Variants in LINGO2 observed in about 807,000 individuals in gnomAD.
LINGO2 encodes leucine rich repeat and Ig domain containing 2.
A neutral mutation model predicts 30.6 loss-of-function variants in LINGO2; 14 were observed. The observed-to-expected ratio is 0.46, with a 90% CI of 0.30 to 0.72. The LOEUF (loss-of-function observed/expected upper bound fraction) is 0.72. LINGO2 is among the 30% of genes least tolerant of loss of function. The probability of loss-of-function intolerance (pLI) is 0.07; values close to 1 mark genes in which losing one functional copy is unlikely to be tolerated. For missense variants in LINGO2, 729 were observed against 751.7 expected (o/e 0.97, Z 0.35); for synonymous variants, 317 against 288.5 (o/e 1.10, Z -1.00).
intron 3 of LINGO2, among the ~76,000 whole-genome samples, chr9:28,361,259 A>T (rs563976132): frequency 6.6e-6 from 1 of 152,328 alleles, no homozygotes; most frequent in East Asian, 1.9e-4. Flanking sequence ...TGTCATTATA[A>T]TTAATATTTA....
chr9:28,071,755 T>A (rs972111465), intron 4 of LINGO2, among the ~76,000 whole-genome samples: 1 of 152,086 alleles, frequency 6.6e-6, no homozygotes, highest in Non-Finnish European at 1.5e-5. Flanking sequence ...GAGCTGTCTG[T>A]CACAGCTCTT....
the LINGO2 span, among the ~76,000 whole-genome samples, chr9:28,722,526 G>A: frequency 5.3e-5 from 8 of 152,038 alleles, no homozygotes; most frequent in Non-Finnish European, 1.0e-4. Context: ...TTTTTACTAA[G>A]TGACTTAAGA....
intron 3 of LINGO2, among the ~76,000 whole-genome samples, chr9:28,342,959 T>C (rs908577903): frequency 1.3e-5 from 2 of 152,128 alleles, no homozygotes; most frequent in African/African-American, 4.8e-5. Context: ...CATGAGACAT[T>C]CACTGGCAGC....
chr9:28,567,941 C>T (rs184097481), intron 1 of LINGO2, among the ~76,000 whole-genome samples: 5 of 152,024 alleles, frequency 3.3e-5, no homozygotes, highest in African/African-American at 1.2e-4. Context: ...ACAGTCAGTT[C>T]GAACAAGCAA....
chr9:28,381,312 G>C (rs570515154), intron 2 of LINGO2, among the ~76,000 whole-genome samples: 1 of 152,080 alleles, frequency 6.6e-6, no homozygotes, highest in Non-Finnish European at 1.5e-5. Flanking sequence ...GTGAGTCTGT[G>C]GGTATTTGGG....
the LINGO2 span, among the ~76,000 whole-genome samples, chr9:29,107,498 G>C: frequency 6.6e-6 from 1 of 152,042 alleles, no homozygotes; most frequent in East Asian, 1.9e-4. Flanking sequence ...GAATATAAAA[G>C]GCTATCAAAG....
At position 28,380,390 on chromosome 9, in the gene LINGO2, G is replaced by GTTTTT. The variant is rs35512653; in HGVS notation, c.-278-7527_-278-7523dup. 8.7e-3 allele frequency among the ~76,000 whole-genome samples: 1,256 copies of GTTTTT among 144,776 alleles called. 13 individuals are homozygous for GTTTTT. The highest frequency in any genetic ancestry group is 0.014 in the African/African-American group (546 of 39,628). 95.0% of individuals were successfully genotyped at this position (144,776 alleles called of 152,430 possible). On this transcript the variant is annotated intron_variant, in intron 2 of 5. Transcript: ENST00000379992. ...AATCATTGACTCAATGACTATAAAG[G>GTTTTT]TTTTTTTTTTTTTCCAATGGTAAGA...
chr9:28,935,410 C>G, the LINGO2 span, among the ~76,000 whole-genome samples: 5 of 151,970 alleles, frequency 3.3e-5, no homozygotes, highest in Admixed American at 2.0e-4. Context: ...TGTGGCTGTC[C>G]TATAGTTAAG....
chr9:28,445,595 T>C (rs542714897), intron 2 of LINGO2, among the ~76,000 whole-genome samples: 1 of 152,338 alleles, frequency 6.6e-6, no homozygotes, highest in East Asian at 1.9e-4. Context: ...TTGCTCCCTT[T>C]GTTCCATCAG....
chr9:28,051,762 A>C (rs922178766), intron 4 of LINGO2, among the ~76,000 whole-genome samples: 3 of 152,050 alleles, frequency 2.0e-5, no homozygotes, highest in African/African-American at 7.2e-5. Context: ...GCATCACTGG[A>C]ATTTCAGGAA....
chr9:29,061,205 A>G, the LINGO2 span, among the ~76,000 whole-genome samples: 1 of 152,056 alleles, frequency 6.6e-6, no homozygotes, highest in Non-Finnish European at 1.5e-5. Flanking sequence ...AGCAGCATGC[A>G]TAAATCTCAA....
the LINGO2 span, among the ~76,000 whole-genome samples, chr9:28,784,981 C>T: frequency 1.6e-4 from 25 of 151,644 alleles, no homozygotes; most frequent in African/African-American, 5.8e-4. Flanking sequence ...ATATATGAGC[C>T]TACTGTTGAT....
chr9:28,633,453 C>T (rs1172249953), intron 1 of LINGO2, among the ~76,000 whole-genome samples: 1 of 151,976 alleles, frequency 6.6e-6, no homozygotes, highest in African/African-American at 2.4e-5. Flanking sequence ...ATAATAAATT[C>T]ACACATTATA....
At chr9:28,876,645 T>G in the LINGO2 span, among the ~76,000 whole-genome samples, 1 of 152,184 alleles carries the variant, frequency 6.6e-6, no homozygotes, top group East Asian at 1.9e-4. Context: ...TAATCCAGTC[T>G]ATCGTTGCTG....
chr9:28,867,909 A>G, the LINGO2 span, among the ~76,000 whole-genome samples: 1 of 152,150 alleles, frequency 6.6e-6, no homozygotes, highest in Non-Finnish European at 1.5e-5. Context: ...TCAAATATAC[A>G]TTTGCCCTAC....
At chr9:29,085,307 A>T in the LINGO2 span, among the ~76,000 whole-genome samples, 12 of 121,492 alleles carry the variant, frequency 9.9e-5, no homozygotes, top group Admixed American at 6.7e-4. Context: ...AAAAAAAAAA[A>T]AAAAGAATAA....
At chr9:29,196,959 T>C in the LINGO2 span, among the ~76,000 whole-genome samples, 1 of 152,040 alleles carries the variant, frequency 6.6e-6, no homozygotes, top group African/African-American at 2.4e-5. Context: ...TGAGGTATTC[T>C]CAGTTCCAAC....
the LINGO2 span, among the ~76,000 whole-genome samples, chr9:29,052,250 A>C: frequency 4.1e-4 from 63 of 152,190 alleles, no homozygotes; most frequent in Admixed American, 3.6e-3. Flanking sequence ...CTGACCTTTC[A>C]CTCATCCATC....
the LINGO2 span, among the ~76,000 whole-genome samples, chr9:29,207,824 CA>C: frequency 6.6e-6 from 1 of 151,916 alleles, no homozygotes; most frequent in East Asian, 1.9e-4. Context: ...AGAAAATTAA[CA>C]AAATGTATTC....
Sources: gnomAD v4.1 joint callset for allele counts (sites outside exome capture counted in the v4.1 genomes callset) on GRCh38, gnomAD v4.1.1 for gene constraint, MANE v1.5 for transcripts, NCBI Gene and HGNC (gene_info 2026-07-23, HGNC 2026-07-21) for gene names.